CDH18: variants seen among roughly 807,000 people sequenced by gnomAD.
The protein encoded by CDH18 is cadherin 18.
CDH18 carries 31 observed loss-of-function variants against 67.9 expected under a neutral mutation model. That is an observed-to-expected ratio of 0.46 (90% confidence interval 0.34 to 0.62). The LOEUF (loss-of-function observed/expected upper bound fraction) is 0.62, where lower values mean the gene tolerates loss of function less well. CDH18 is among the 20% of genes least tolerant of loss of function. The pLI is 0.01. For synonymous variants in CDH18, 362 were observed against 347.2 expected (o/e 1.04, Z -0.48); for missense variants, 890 against 975.5 (o/e 0.91, Z 1.17).
intron 1 of CDH18, among the ~76,000 whole-genome samples, chr5:20,437,013 A>G (rs1465496064): frequency 6.7e-6 from 1 of 149,294 alleles, no homozygotes; most frequent in Non-Finnish European, 1.5e-5. Context: ...ATGTACAAAG[A>G]AAATAAATAA....
intron 2 of CDH18, among the ~76,000 whole-genome samples, chr5:20,147,180 G>A (rs997195617): frequency 6.6e-6 from 1 of 152,044 alleles, no homozygotes; most frequent in Non-Finnish European, 1.5e-5. Flanking sequence ...AATTGTTATT[G>A]TTTGGGTTTA....
intron 1 of CDH18, among the ~76,000 whole-genome samples, chr5:20,308,606 A>G (rs1467181522): frequency 6.6e-6 from 1 of 152,094 alleles, no homozygotes; most frequent in Non-Finnish European, 1.5e-5. Context: ...TTGATTTAAT[A>G]GGGTTGAGAA....
chr5:20,412,163 T>G (rs1746842299), intron 1 of CDH18, among the ~76,000 whole-genome samples: 1 of 152,068 alleles, frequency 6.6e-6, no homozygotes, highest in African/African-American at 2.4e-5. Context: ...CAAAACAACA[T>G]GGGACCAGTA....
intron 1 of CDH18, among the ~76,000 whole-genome samples, chr5:20,330,012 T>G (rs539156098): frequency 6.6e-6 from 1 of 151,960 alleles, no homozygotes; most frequent in Non-Finnish European, 1.5e-5. Context: ...CAGATACAAA[T>G]AATGAAAAAT....
At chr5:19,977,861 T>C (rs1798646806) in intron 2 of CDH18, among the ~76,000 whole-genome samples, 1 of 152,144 alleles carries the variant, frequency 6.6e-6, no homozygotes, top group South Asian at 2.1e-4. Context: ...AAAATTAGTT[T>C]GATCAGTAAA....
At chr5:20,139,912 T>A (rs76196247) in intron 2 of CDH18, among the ~76,000 whole-genome samples, 130,135 of 152,172 alleles carry the variant, frequency 0.86, 56,884 homozygotes, top group Non-Finnish European at 0.94. Flanking sequence ...CAGTGTAGTG[T>A]TTCCTTAAGG....
intron 2 of CDH18, among the ~76,000 whole-genome samples, chr5:20,020,424 C>A (rs934092445): frequency 3.9e-5 from 6 of 152,158 alleles, no homozygotes; most frequent in African/African-American, 1.4e-4. Context: ...ACCTTCATGG[C>A]AGCTCCTCCC....
At position 19,693,944 on chromosome 5, in the gene CDH18, A is replaced by T. The variant is rs553556878; in HGVS notation, c.643+27403T>A. Among the ~76,000 whole-genome samples the T allele has an allele frequency of 5.9e-5, 9 of 151,924 alleles. No homozygotes were observed. The East Asian group carries it at 1.5e-3, about 26-fold the overall frequency. On this transcript the variant is annotated intron_variant, in intron 5 of 12. Coordinates refer to ENST00000382275, the MANE Select transcript of CDH18 (RefSeq NM_004934.5). ...TGACAGGAGGCCTCTAGATAATATT[A>T]AGGGGACTTGAAGATAAAATCTGGG...
At chr5:20,262,088 T>C (rs1744701109) in intron 1 of CDH18, among the ~76,000 whole-genome samples, 1 of 152,216 alleles carries the variant, frequency 6.6e-6, no homozygotes, top group Non-Finnish European at 1.5e-5. Context: ...TAGGATGCAA[T>C]AAATAAATAA....
intron 1 of CDH18, among the ~76,000 whole-genome samples, chr5:20,401,562 AC>A (rs1220149137): frequency 6.6e-6 from 1 of 152,094 alleles, no homozygotes; most frequent in East Asian, 1.9e-4. Context: ...CACCTTCAAA[AC>A]CACATTCCTC....
At chr5:19,733,977 G>A (rs934536180) in intron 4 of CDH18, among the ~76,000 whole-genome samples, 3 of 152,176 alleles carry the variant, frequency 2.0e-5, no homozygotes, top group Non-Finnish European at 2.9e-5. Flanking sequence ...GGGGCTGAGC[G>A]CAGTGGGCTG....
At chr5:20,167,365 G>C (rs1736373750) in intron 2 of CDH18, among the ~76,000 whole-genome samples, 1 of 152,024 alleles carries the variant, frequency 6.6e-6, no homozygotes, top group African/African-American at 2.4e-5. Context: ...TCGGGATTTT[G>C]ATCGGGAGAG....
At chr5:19,560,042 T>C (rs1580209820) in intron 8 of CDH18, among the ~76,000 whole-genome samples, 1 of 151,944 alleles carries the variant, frequency 6.6e-6, no homozygotes, top group South Asian at 2.1e-4. Flanking sequence ...ACATATCCCA[T>C]GCTCATAGAT....
intron 1 of CDH18, among the ~76,000 whole-genome samples, chr5:20,292,601 A>G (rs1477891820): frequency 2.6e-5 from 4 of 152,176 alleles, no homozygotes; most frequent in South Asian, 2.1e-4. Context: ...ACAGTTCTGG[A>G]GGCCAGAGTC....
chr5:20,234,936 A>G (rs4866046), intron 2 of CDH18, among the ~76,000 whole-genome samples: 96,576 of 151,960 alleles, frequency 0.64, 30,703 homozygotes, highest in Middle Eastern at 0.74. Context: ...TGGGGAAAGT[A>G]TTCAGTCTAC....
At chr5:20,339,268 G>T (rs980114125) in intron 1 of CDH18, among the ~76,000 whole-genome samples, 11 of 152,122 alleles carry the variant, frequency 7.2e-5, no homozygotes, top group African/African-American at 2.7e-4. Flanking sequence ...GGCATGGCTG[G>T]CTTACCAGCT....
chr5:20,466,136 G>C (rs1352284697), intron 1 of CDH18, among the ~76,000 whole-genome samples: 3 of 151,976 alleles, frequency 2.0e-5, no homozygotes, highest in Non-Finnish European at 4.4e-5. Context: ...TTCTGAAGGG[G>C]AGGCAGCTTT....
At chr5:20,052,650 T>C (rs565039006) in intron 2 of CDH18, among the ~76,000 whole-genome samples, 78 of 152,244 alleles carry the variant, frequency 5.1e-4, no homozygotes, top group Admixed American at 1.0e-3. Context: ...GTGATTGGTA[T>C]ATAAATTTAT....
intron 8 of CDH18, among the ~76,000 whole-genome samples, chr5:19,556,634 T>C (rs1030172419): frequency 5.9e-5 from 9 of 151,948 alleles, no homozygotes; most frequent in Admixed American, 3.3e-4. Context: ...TTATATTAAA[T>C]GAACAAACAT....
Sources: allele counts gnomAD v4.1 joint callset (sites outside exome capture counted in the v4.1 genomes callset), GRCh38; gene constraint gnomAD v4.1.1; transcripts MANE v1.5; gene names NCBI Gene and HGNC (gene_info 2026-07-23, HGNC 2026-07-21).